OCA2: variants seen among roughly 807,000 people sequenced by gnomAD.
OCA2 encodes OCA2 melanosomal transmembrane protein, also known as P protein.
A neutral mutation model predicts 100.2 loss-of-function variants in OCA2; 77 were observed. That is an observed-to-expected ratio of 0.77 (90% CI 0.64 to 0.93). OCA2 has a LOEUF of 0.93. OCA2 is among the 40% of genes least tolerant of loss of function. The pLI is 0.00. For synonymous variants in OCA2, 432 were observed against 439.2 expected, an observed-to-expected ratio of 0.98 and a Z score of 0.21; for missense variants, 1,062 against 1,089.1, an observed-to-expected ratio of 0.98 and a Z score of 0.35.
rs2140979313 is a variant in OCA2, at chr15:27,985,101, CGTT to C, written c.1324_1326del (p.Asn442del). 9.9e-6 allele frequency: 16 copies of C among 1,613,962 alleles called. No individual in the cohort carries two copies. Among genetic ancestry groups the C allele is most frequent in the Non-Finnish European group, 1.4e-5 (16 of 1,179,950 alleles). On this transcript the variant is annotated inframe_deletion, in exon 13 of 24. Coordinates refer to ENST00000354638, the MANE Select transcript of OCA2 (RefSeq NM_000275.3). ...GGCGTGAAGAGGAGCATGGTGGTGACGTTGTCCAAGAAGGCAGAGAGGACGGCC... is the reference window on the plus strand; with the variant it reads ...GGCGTGAAGAGGAGCATGGTGGTGACGTCCAAGAAGGCAGAGAGGACGGCC...
chr15:27,905,779 C>T (rs79626637), intron 19 of OCA2, among the ~76,000 whole-genome samples: 5 of 152,342 alleles, frequency 3.3e-5, no homozygotes, highest in African/African-American at 1.2e-4. Context: ...GAAGTCACAC[C>T]TACAGAGCTA....
intron 9 of OCA2, among the ~76,000 whole-genome samples, chr15:27,993,342 T>C (rs1258925919): frequency 3.3e-5 from 5 of 152,124 alleles, no homozygotes; most frequent in Non-Finnish European, 4.4e-5. Flanking sequence ...AGCTGAATAA[T>C]TGTCCCCGTG....
At chr15:27,812,916 C>G (rs1030769517) in intron 23 of OCA2, among the ~76,000 whole-genome samples, 1 of 152,192 alleles carries the variant, frequency 6.6e-6, no homozygotes, top group African/African-American at 2.4e-5. Context: ...TCCTCCATCA[C>G]AGACCTCCTT....
At chr15:27,951,006 TA>T (rs2040007399) in intron 18 of OCA2, among the ~76,000 whole-genome samples, 1 of 152,238 alleles carries the variant, frequency 6.6e-6, no homozygotes, top group East Asian at 1.9e-4. Flanking sequence ...ATGCTTCTTA[TA>T]AACCTACACT....
intron 23 of OCA2, among the ~76,000 whole-genome samples, chr15:27,755,935 A>G (rs2030325036): frequency 6.6e-6 from 1 of 152,218 alleles, no homozygotes; most frequent in Non-Finnish European, 1.5e-5. Context: ...GTTGGAAACT[A>G]AGGCCAACTG....
chr15:27,913,884 A>C (rs1267551489), intron 19 of OCA2, among the ~76,000 whole-genome samples: 4 of 64,054 alleles, frequency 6.2e-5, no homozygotes, highest in Admixed American at 1.8e-4. Context: ...AGAAAGAAAG[A>C]AAGAAAGAAA....
intron 19 of OCA2, among the ~76,000 whole-genome samples, chr15:27,913,893 A>AAGAAAG (rs1461797386): frequency 3.5e-5 from 1 of 28,464 alleles, no homozygotes; most frequent in African/African-American, 2.0e-4. Flanking sequence ...GAAAGAAAGA[A>AAGAAAG]AGCAAGCAAG....
At chr15:27,979,702 CTT>C (rs765838477) in intron 14 of OCA2, among the ~76,000 whole-genome samples, 22 of 141,412 alleles carry the variant, frequency 1.6e-4, no homozygotes, top group Admixed American at 2.1e-4. Flanking sequence ...CATTAATATA[CTT>C]TTTTTTTTTT....
the OCA2 span, among the ~76,000 whole-genome samples, chr15:27,728,215 C>T: frequency 6.6e-6 from 1 of 152,102 alleles, no homozygotes; most frequent in Non-Finnish European, 1.5e-5. Context: ...TCCAAAGAAA[C>T]AAGTGTTTTG....
In OCA2 at chr15:27,945,620, G is replaced by A. The variant is rs2039806108; in HGVS notation, c.1951+6164C>T. 2.0e-5 allele frequency among the ~76,000 whole-genome samples: 3 copies of A among 152,260 alleles called. No individual in the cohort carries two copies. The South Asian group carries it at 6.2e-4, about 32-fold the overall frequency. On this transcript the variant is annotated intron_variant, in intron 18 of 23. Coordinates refer to ENST00000354638, the MANE Select transcript of OCA2 (RefSeq NM_000275.3). The stretch of plus-strand genomic sequence containing the variant: ...CATTTTGCTTAAGACAGATCCAATA[G>A]ATTGCTTTATTTGTAGCTAAAAATA...
chr15:28,050,629 G>A (rs1441368375), intron 2 of OCA2, among the ~76,000 whole-genome samples: 3 of 151,286 alleles, frequency 2.0e-5, no homozygotes, highest in East Asian at 2.0e-4. Context: ...ATGAGCATAC[G>A]CACGCATCCT....
In OCA2 at chr15:28,080,285, G is replaced by A. The variant is rs1595923808; in HGVS notation, c.227+1363C>T. On this transcript the variant is annotated intron_variant, in intron 2 of 23. Transcript: ENST00000354638. ...ATTCCATATGAATCTGGGGGGAACA[G>A]ACACATTCAGTGTATAACAGAGAAC... 4.6e-5 allele frequency among the ~76,000 whole-genome samples: 7 copies of A among 152,344 alleles called. 1 individual carries two copies. Among genetic ancestry groups the A allele is most frequent in the Admixed American group, 3.9e-4 (6 of 15,310 alleles).
chr15:27,762,150 T>C (rs1477174907), intron 23 of OCA2, among the ~76,000 whole-genome samples: 1 of 152,162 alleles, frequency 6.6e-6, no homozygotes, highest in Non-Finnish European at 1.5e-5. Flanking sequence ...ACCAGAATAA[T>C]GTACTTTTAA....
chr15:27,820,823 C>T (rs192412568), intron 23 of OCA2, among the ~76,000 whole-genome samples: 57 of 152,304 alleles, frequency 3.7e-4, no homozygotes, highest in African/African-American at 1.3e-3. Flanking sequence ...CAGTATTCTA[C>T]TATTCTTCCT....
intron 9 of OCA2, among the ~76,000 whole-genome samples, chr15:28,003,300 C>G (rs1035567260): frequency 1.2e-4 from 18 of 152,240 alleles, no homozygotes; most frequent in African/African-American, 4.3e-4. Flanking sequence ...AGCCACACTT[C>G]CCCATCTTAG....
intron 14 of OCA2, among the ~76,000 whole-genome samples, chr15:27,980,004 G>A (rs59967422): frequency 0.012 from 1,873 of 150,754 alleles, 31 homozygotes; most frequent in African/African-American, 0.044. Flanking sequence ...GTGAGCCACC[G>A]CACCTGACAC....
chr15:27,800,881 T>C lies in OCA2; in HGVS notation c.2432+44078A>G, dbSNP rs573509819. On this transcript the variant is annotated intron_variant, in intron 23 of 23. Coordinates refer to ENST00000354638, the MANE Select transcript of OCA2 (RefSeq NM_000275.3). Reference sequence around the variant, plus strand: ...TACTCAGGAGGCTGAAGTGGGAAGATTGCTTGAGGCTGGGAGGTCCAGGCT... The same window carrying C: ...TACTCAGGAGGCTGAAGTGGGAAGACTGCTTGAGGCTGGGAGGTCCAGGCT... Among the ~76,000 whole-genome samples, 11 of 151,782 alleles carry C rather than the reference T, an allele frequency of 7.2e-5. No homozygotes were observed. The East Asian group carries it at 1.6e-3, about 21-fold the overall frequency.
intron 23 of OCA2, among the ~76,000 whole-genome samples, chr15:27,829,563 G>C (rs2151307040): frequency 6.6e-6 from 1 of 152,216 alleles, no homozygotes; most frequent in East Asian, 1.9e-4. Context: ...CAAGGGGGCT[G>C]GCTTCAGCAT....
intron 9 of OCA2, among the ~76,000 whole-genome samples, chr15:28,011,240 G>T (rs562834551): frequency 2.7e-4 from 41 of 152,318 alleles, no homozygotes; most frequent in African/African-American, 9.6e-4. Context: ...CAAAGCAGGA[G>T]AATCTCTTGA....
Sources: allele counts gnomAD v4.1 joint callset (sites outside exome capture counted in the v4.1 genomes callset), GRCh38; gene constraint gnomAD v4.1.1; transcripts MANE v1.5; gene names NCBI Gene and HGNC (gene_info 2026-07-23, HGNC 2026-07-21).